ADCY2: variants seen among roughly 807,000 people sequenced by gnomAD.
ADCY2 encodes adenylate cyclase type 2.
In ADCY2, 31 loss-of-function variants were observed where a neutral mutation model predicts 125.2. The ratio of observed to expected loss-of-function variants is 0.25; its 90% CI spans 0.19 to 0.33. The LOEUF is 0.33. ADCY2 is among the 10% of genes least tolerant of loss of function. ADCY2 has a pLI of 1.00. For missense variants in ADCY2, 904 were observed against 1,418.2 expected (o/e 0.64, Z 5.82); for synonymous variants, 512 against 548.4 (o/e 0.93, Z 0.93).
intron 3 of ADCY2, among the ~76,000 whole-genome samples, chr5:7,564,869 G>A (rs1427366571): frequency 1.3e-5 from 2 of 152,136 alleles, no homozygotes; most frequent in African/African-American, 2.4e-5. Flanking sequence ...CAGCCTAATG[G>A]TATACAAGAC....
At chr5:7,470,509 TATA>T (rs985427017) in intron 2 of ADCY2, among the ~76,000 whole-genome samples, 75 of 148,660 alleles carry the variant, frequency 5.0e-4, no homozygotes, top group African/African-American at 1.7e-3. Flanking sequence ...TAGTTTTAAT[TATA>T]ATTATATGAA....
At chr5:7,812,099 G>A (rs1744961737) in intron 22 of ADCY2, among the ~76,000 whole-genome samples, 3 of 152,164 alleles carry the variant, frequency 2.0e-5, no homozygotes, top group African/African-American at 4.8e-5. Context: ...GAAGCTAGGA[G>A]TCATACAGAG....
At chr5:7,500,660 G>A (rs1325036692) in intron 2 of ADCY2, among the ~76,000 whole-genome samples, 1 of 152,184 alleles carries the variant, frequency 6.6e-6, no homozygotes, top group Non-Finnish European at 1.5e-5. Context: ...AACTGTAAAG[G>A]TCATCAAAAA....
At chr5:7,443,427 T>A (rs1035501520) in intron 2 of ADCY2, among the ~76,000 whole-genome samples, 2 of 151,260 alleles carry the variant, frequency 1.3e-5, no homozygotes, top group African/African-American at 4.9e-5. Context: ...CCGAGGCGGG[T>A]GGATCACGAG....
At chr5:7,787,432 A>T (rs13153911) in intron 19 of ADCY2, among the ~76,000 whole-genome samples, 46,783 of 152,200 alleles carry the variant, frequency 0.31, 8,233 homozygotes, top group Non-Finnish European at 0.4. Context: ...TCATAAAGAC[A>T]TTATTTCCAA....
At chr5:7,786,058 T>C (rs955779021) in intron 19 of ADCY2, among the ~76,000 whole-genome samples, 2 of 152,216 alleles carry the variant, frequency 1.3e-5, no homozygotes, top group Non-Finnish European at 2.9e-5. Flanking sequence ...GTCTTTAGTG[T>C]AGCAAAAAGT....
At chr5:7,724,410 T>G (rs1741869074) in intron 12 of ADCY2, 135 bp from the exon 13 acceptor site, 1 of 290,198 alleles carries the variant, frequency 3.4e-6, no homozygotes, top group African/African-American at 3.5e-5. Flanking sequence ...CATCACGTGT[T>G]TTTTTTTTTT....
chr5:7,539,442 T>C (rs1734924864), intron 3 of ADCY2, among the ~76,000 whole-genome samples: 2 of 152,168 alleles, frequency 1.3e-5, no homozygotes, highest in African/African-American at 2.4e-5. Context: ...TTCACTACAG[T>C]TTGCAGACAG....
At chr5:7,462,934 C>A (rs565041481) in intron 2 of ADCY2, among the ~76,000 whole-genome samples, 10 of 152,132 alleles carry the variant, frequency 6.6e-5, no homozygotes, top group Non-Finnish European at 1.5e-4. Flanking sequence ...ACCTCCCTAG[C>A]TGATGCAGCA....
At chr5:7,433,719 T>C (rs74465126) in intron 2 of ADCY2, among the ~76,000 whole-genome samples, 1,647 of 152,236 alleles carry the variant, frequency 0.011, 38 homozygotes, top group African/African-American at 0.038. Context: ...TGTATTGGCC[T>C]AGATACAAAT....
chr5:7,685,817 C>G (rs1015849998), intron 4 of ADCY2, among the ~76,000 whole-genome samples: 2 of 152,100 alleles, frequency 1.3e-5, no homozygotes, highest in Non-Finnish European at 2.9e-5. Flanking sequence ...GGACAACTAG[C>G]TTTTTAATAC....
At chr5:7,466,971 TGC>T (rs1318344145) in intron 2 of ADCY2, among the ~76,000 whole-genome samples, 1 of 152,184 alleles carries the variant, frequency 6.6e-6, no homozygotes. Flanking sequence ...TCCTTCATGA[TGC>T]TGGGCAGTGC....
chr5:7,462,054 G>A (rs1561038944), intron 2 of ADCY2, among the ~76,000 whole-genome samples: 1 of 152,174 alleles, frequency 6.6e-6, no homozygotes, highest in Non-Finnish European at 1.5e-5. Flanking sequence ...TTTCCTGTCT[G>A]TCGGTTTATG....
chr5:7,619,543 C>T (rs1385207818), intron 3 of ADCY2, among the ~76,000 whole-genome samples: 2 of 152,176 alleles, frequency 1.3e-5, no homozygotes, highest in African/African-American at 4.8e-5. Flanking sequence ...AAAGATATTC[C>T]ATCATAGAAA....
chr5:7,588,184 A>G (rs1269059760), intron 3 of ADCY2, among the ~76,000 whole-genome samples: 1 of 152,218 alleles, frequency 6.6e-6, no homozygotes, highest in Non-Finnish European at 1.5e-5. Flanking sequence ...AAAGGATTCT[A>G]TCAGAAATAT....
intron 23 of ADCY2, among the ~76,000 whole-genome samples, chr5:7,818,477 C>G (rs994150819): frequency 1.8e-4 from 28 of 152,016 alleles, no homozygotes; most frequent in Admixed American, 1.4e-3. Flanking sequence ...CTGCCTCGGC[C>G]TCCCAACTAG....
chr5:7,484,155 G>A (rs1193530309), intron 2 of ADCY2, among the ~76,000 whole-genome samples: 1 of 152,082 alleles, frequency 6.6e-6, no homozygotes, highest in Non-Finnish European at 1.5e-5. Context: ...CAATTATAAT[G>A]TCCCAAGCTT....
intron 2 of ADCY2, among the ~76,000 whole-genome samples, chr5:7,447,545 T>G (rs6883779): frequency 0.014 from 2,138 of 152,242 alleles, 44 homozygotes; most frequent in African/African-American, 0.049. Flanking sequence ...CCCTACCTCA[T>G]GTGATTTCTG....
intron 3 of ADCY2, among the ~76,000 whole-genome samples, chr5:7,535,315 G>A (rs1734780285): frequency 6.6e-6 from 1 of 152,144 alleles, no homozygotes; most frequent in East Asian, 1.9e-4. Context: ...AGTGACCAAA[G>A]CTTTATAACA....
Sources: gnomAD v4.1 joint callset for allele counts (sites outside exome capture counted in the v4.1 genomes callset) on GRCh38, gnomAD v4.1.1 for gene constraint, MANE v1.5 for transcripts, NCBI Gene and HGNC (gene_info 2026-07-23, HGNC 2026-07-21) for gene names.